HIPK2: variants seen among roughly 807,000 people sequenced by gnomAD.
HIPK2 encodes homeodomain-interacting protein kinase 2.
In HIPK2, 27 loss-of-function variants were observed where a neutral mutation model predicts 113.7. That is an observed-to-expected ratio of 0.24 (90% CI 0.17 to 0.33). HIPK2 has a LOEUF of 0.33. Ranked by LOEUF, HIPK2 falls within the 10% of genes least tolerant of loss-of-function variation. The probability of loss-of-function intolerance (pLI) is 1.00; values close to 1 mark genes in which losing one functional copy is unlikely to be tolerated. For missense variants in HIPK2, 1,257 were observed against 1,588.0 expected, an observed-to-expected ratio of 0.79 and a Z score of 3.54; for synonymous variants, 631 against 642.2, an observed-to-expected ratio of 0.98 and a Z score of 0.26.
intron 6 of HIPK2, among the ~76,000 whole-genome samples, chr7:139,622,841 C>T (rs1348145412): frequency 2.0e-5 from 3 of 152,322 alleles, no homozygotes; most frequent in East Asian, 1.9e-4. Context: ...CTTGTCAGTG[C>T]CCCTCTTGGG....
intron 1 of HIPK2, among the ~76,000 whole-genome samples, chr7:139,765,549 C>A (rs914778910): frequency 6.6e-6 from 1 of 152,202 alleles, no homozygotes; most frequent in Non-Finnish European, 1.5e-5. Context: ...CAATGCTGTA[C>A]ACTTGGCACC....
At chr7:139,606,657 G>C (rs1799626485) in intron 9 of HIPK2, among the ~76,000 whole-genome samples, 1 of 152,176 alleles carries the variant, frequency 6.6e-6, no homozygotes, top group Admixed American at 6.5e-5. Flanking sequence ...AAAGCAGGAG[G>C]CTAGACAATT....
chr7:139,716,021 T>C lies in HIPK2; in HGVS notation c.1014A>G (p.Gln338=), dbSNP rs754738844. ...ENIMLVDPSR[Q]PYRVKVIDFG... ...AGTCGATGACCTTGACTCTGTATGGTTGTCTAGATGGATCCACCAGCATGA... is the reference window on the plus strand; with the variant it reads ...AGTCGATGACCTTGACTCTGTATGGCTGTCTAGATGGATCCACCAGCATGA... The change falls in exon 2 of 15, where the codon CAA becomes CAG. Residue 338 remains glutamine (Q), a synonymous_variant. Coordinates refer to ENST00000406875, the MANE Select transcript of HIPK2 (RefSeq NM_022740.5). This position sits in a 1 kb window ranked among gnomAD's most constrained non-coding sequence, Gnocchi z 9.3. 12 of 1,614,126 alleles carry C rather than the reference T, an allele frequency of 7.4e-6. No homozygotes were observed. The highest frequency in any genetic ancestry group is 1.6e-4 in the Middle Eastern group (1 of 6,062).
intron 6 of HIPK2, among the ~76,000 whole-genome samples, chr7:139,626,066 C>T (rs60937409): frequency 1.5e-3 from 230 of 152,140 alleles, no homozygotes; most frequent in Non-Finnish European, 3.2e-3. Flanking sequence ...AGGCCAGGGA[C>T]CCAGTCCAGC....
At chr7:139,753,866 T>C (rs1324050123) in intron 1 of HIPK2, among the ~76,000 whole-genome samples, 2 of 152,172 alleles carry the variant, frequency 1.3e-5, no homozygotes, top group African/African-American at 2.4e-5. Flanking sequence ...AAGGCGCCAG[T>C]GGAGAAGGCA....
chr7:139,584,878 C>T (rs901448863), intron 12 of HIPK2, among the ~76,000 whole-genome samples: 1 of 152,208 alleles, frequency 6.6e-6, no homozygotes, highest in African/African-American at 2.4e-5. Context: ...TGGCCTTCAT[C>T]TTATATGTGG....
chr7:139,707,374 G>A (rs1220211041), intron 2 of HIPK2, among the ~76,000 whole-genome samples: 4 of 152,360 alleles, frequency 2.6e-5, no homozygotes, highest in African/African-American at 7.2e-5. Flanking sequence ...ATCACCCTCC[G>A]TAAGACCCCG....
chr7:139,682,129 C>T (rs1032404519), intron 2 of HIPK2, among the ~76,000 whole-genome samples: 1 of 152,174 alleles, frequency 6.6e-6, no homozygotes, highest in Admixed American at 6.5e-5. Context: ...CCATAGACCA[C>T]GTTGCTTCCA....
At position 139,573,267 on chromosome 7, in the gene HIPK2, T is replaced by G. The variant is rs1447630005; in HGVS notation, c.3257A>C (p.His1086Pro). Residue 1086 changes from histidine to proline, a missense_variant, in exon 15 of 15, where the codon CAT becomes CCT. Coordinates refer to ENST00000406875, the MANE Select transcript of HIPK2 (RefSeq NM_022740.5). ...GGCAGCGGCAGCGGCTGCAGCCAGA[T>G]GCGGGTGCACAGTGCCGTGGCTGGG... ...NSPSHGTVHP[H>P]LAAAAAAAHL... 1.2e-6 allele frequency: 2 copies of G among 1,604,320 alleles called. No individual in the cohort carries two copies. The highest frequency in any genetic ancestry group is 1.7e-6 in the Non-Finnish European group (2 of 1,179,700).
chr7:139,747,084 C>T (rs1043394598), intron 1 of HIPK2, among the ~76,000 whole-genome samples: 3 of 152,108 alleles, frequency 2.0e-5, no homozygotes, highest in Non-Finnish European at 4.4e-5. Context: ...TCACAGGGAC[C>T]CCTTTTCGGT....
rs990096742 is a variant in HIPK2, at chr7:139,572,876, C to T, written c.*51G>A. On this transcript the variant is annotated 3_prime_UTR_variant, in exon 15 of 15. Transcript: ENST00000406875. Reference sequence around the variant, plus strand: ...GAGCGCCTCCCTCCTTCTCTCCCTCCTCCCTCGGGCCATTCTCTCCCTCCC... The same window carrying T: ...GAGCGCCTCCCTCCTTCTCTCCCTCTTCCCTCGGGCCATTCTCTCCCTCCC... 8.4e-6 allele frequency: 12 copies of T among 1,423,760 alleles called. No homozygotes were observed. The African/African-American group carries it at 1.4e-4, about 17-fold the overall frequency. 88.2% of individuals were successfully genotyped at this position (1,423,760 alleles called of 1,614,324 possible).
intron 2 of HIPK2, among the ~76,000 whole-genome samples, chr7:139,646,205 G>T (rs564694488): frequency 6.6e-6 from 1 of 152,140 alleles, no homozygotes; most frequent in South Asian, 2.1e-4. Flanking sequence ...GGAACAAACG[G>T]TTCCCTTAAG....
intron 1 of HIPK2, among the ~76,000 whole-genome samples, chr7:139,772,676 C>G (rs1249201124): frequency 6.6e-6 from 1 of 152,112 alleles, no homozygotes; most frequent in African/African-American, 2.4e-5. Context: ...CAACCTCCGC[C>G]TCCTGGGTTC....
intron 1 of HIPK2, among the ~76,000 whole-genome samples, chr7:139,762,191 C>T (rs1401092105): frequency 6.6e-6 from 1 of 152,104 alleles, no homozygotes; most frequent in Non-Finnish European, 1.5e-5. Context: ...GGGAACAACC[C>T]CCAAGTTGGA....
At chr7:139,614,801 C>T (rs998903953) in intron 7 of HIPK2, among the ~76,000 whole-genome samples, 1 of 152,186 alleles carries the variant, frequency 6.6e-6, no homozygotes, top group African/African-American at 2.4e-5. Context: ...GCTGAAAAGG[C>T]TAAAAATTAG....
intron 2 of HIPK2, among the ~76,000 whole-genome samples, chr7:139,692,481 G>T (rs1000486036): frequency 1.3e-5 from 2 of 152,184 alleles, no homozygotes; most frequent in Admixed American, 1.3e-4. Context: ...ATCCTACTAA[G>T]GGAGCAGGAC....
chr7:139,656,038 C>T (rs1191402850), intron 2 of HIPK2, among the ~76,000 whole-genome samples: 1 of 152,262 alleles, frequency 6.6e-6, no homozygotes, highest in African/African-American at 2.4e-5. Context: ...CTTTCCAAGT[C>T]CCCTTAGGGT....
intron 1 of HIPK2, among the ~76,000 whole-genome samples, chr7:139,775,225 TG>T: frequency 6.6e-6 from 1 of 152,326 alleles, no homozygotes. Context: ...AGGGAGTCCA[TG>T]TGCTCTGATT....
At position 139,572,889 on chromosome 7, in the gene HIPK2, T is replaced by TTCTC. The variant is rs1326090634; in HGVS notation, c.*34_*37dup. The stretch of plus-strand genomic sequence containing the variant: ...CTTCTCTCCCTCCTCCCTCGGGCCA[T>TTCTC]TCTCTCCCTCCCTCCCTCCCTCCCT... On this transcript the variant is annotated 3_prime_UTR_variant, in exon 15 of 15. Transcript: ENST00000406875. 1.9e-6 allele frequency: 2 copies of TTCTC among 1,036,454 alleles called. No homozygotes were observed. The highest frequency in any genetic ancestry group is 2.7e-6 in the Non-Finnish European group (2 of 729,332). The allele number at this position is 1,036,454 out of a possible 1,614,324, so 64.2% of individuals were successfully genotyped here. A position where few individuals can be genotyped will look rare whatever the true frequency, so the allele number is the denominator to read the frequency against.
Sources: allele counts gnomAD v4.1 joint callset (sites outside exome capture counted in the v4.1 genomes callset), GRCh38; gene constraint gnomAD v4.1.1; non-coding constraint Gnocchi (gnomAD v3.1); transcripts MANE v1.5; gene names NCBI Gene and HGNC (gene_info 2026-07-23, HGNC 2026-07-21).